LINGO2: variants seen among roughly 807,000 people sequenced by gnomAD.
The protein encoded by LINGO2 is leucine rich repeat and Ig domain containing 2.
LINGO2 carries 14 observed loss-of-function variants against 30.6 expected under a neutral mutation model. The observed-to-expected ratio is 0.46, with a 90% CI of 0.30 to 0.72. LINGO2 has a LOEUF of 0.72. LINGO2 is among the 30% of genes least tolerant of loss of function. The pLI, the probability that LINGO2 is intolerant of heterozygous loss-of-function variation, is 0.07. For missense variants in LINGO2, 729 were observed against 751.7 expected (o/e 0.97, Z 0.35); for synonymous variants, 317 against 288.5 (o/e 1.10, Z -1.00).
the LINGO2 span, among the ~76,000 whole-genome samples, chr9:28,918,198 A>C: frequency 6.6e-6 from 1 of 152,158 alleles, no homozygotes; most frequent in Non-Finnish European, 1.5e-5. Context: ...GGCACTTCTT[A>C]CATGGTGGCG....
the LINGO2 span, among the ~76,000 whole-genome samples, chr9:29,135,692 T>C: frequency 2.0e-5 from 3 of 152,272 alleles, no homozygotes; most frequent in South Asian, 4.1e-4. Flanking sequence ...TATTTTTAAA[T>C]GTACAGATCA....
the LINGO2 span, among the ~76,000 whole-genome samples, chr9:28,831,552 C>G: frequency 6.6e-6 from 1 of 152,048 alleles, no homozygotes; most frequent in Non-Finnish European, 1.5e-5. Context: ...AAATGTTCAT[C>G]AGGAGCCTAG....
chr9:29,078,960 T>C, the LINGO2 span, among the ~76,000 whole-genome samples: 63,348 of 151,686 alleles, frequency 0.42, 15,255 homozygotes, highest in Non-Finnish European at 0.54. Flanking sequence ...ATTAAATCAT[T>C]ATATCACACC....
the LINGO2 span, among the ~76,000 whole-genome samples, chr9:28,675,949 A>G: frequency 1.4e-5 from 2 of 147,948 alleles, no homozygotes; most frequent in African/African-American, 2.5e-5. Context: ...ACACACACAC[A>G]CAGATATATA....
At chr9:28,496,987 G>A (rs903220279) in intron 1 of LINGO2, among the ~76,000 whole-genome samples, 15 of 152,242 alleles carry the variant, frequency 9.9e-5, no homozygotes, top group African/African-American at 2.9e-4. Context: ...AATATTGGCC[G>A]CCACTCTCTT....
At chr9:28,840,204 G>A in the LINGO2 span, among the ~76,000 whole-genome samples, 1 of 151,922 alleles carries the variant, frequency 6.6e-6, no homozygotes, top group East Asian at 1.9e-4. Context: ...CTGCACCCAG[G>A]ACGGTGGGTC....
the LINGO2 span, among the ~76,000 whole-genome samples, chr9:29,154,211 C>G: frequency 6.6e-6 from 1 of 151,860 alleles, no homozygotes; most frequent in African/African-American, 2.4e-5. Context: ...TTGGAGAGGC[C>G]AAGAAAGGCG....
At chr9:28,275,913 T>C (rs55746298) in intron 4 of LINGO2, among the ~76,000 whole-genome samples, 2,660 of 152,264 alleles carry the variant, frequency 0.017, 43 homozygotes, top group African/African-American at 0.041. Context: ...ATTAGAAAAG[T>C]AGTGGTCTGT....
chr9:28,064,116 G>A (rs1203590144), intron 4 of LINGO2, among the ~76,000 whole-genome samples: 1 of 152,112 alleles, frequency 6.6e-6, no homozygotes, highest in Non-Finnish European at 1.5e-5. Flanking sequence ...GAAAGAACTG[G>A]TGATAACAGG....
Position 28,319,876 on chromosome 9 carries a change from C to T in LINGO2, c.-245-24510G>A, listed in dbSNP as rs775513996. Among the ~76,000 whole-genome samples the T allele has an allele frequency of 1.4e-4, 21 of 152,144 alleles. No individual in the cohort carries two copies. The South Asian group carries it at 2.5e-3, about 18-fold the overall frequency. On this transcript the variant is annotated intron_variant, in intron 3 of 5. Transcript: ENST00000379992. ...TATATGTAAATTACATGCAAGAAAA[C>T]TGATTGAAAACAAACAGAAAAGAAA...
chr9:27,988,536 G>A (rs1019307208), intron 5 of LINGO2, among the ~76,000 whole-genome samples: 15 of 151,880 alleles, frequency 9.9e-5, no homozygotes, highest in Admixed American at 2.0e-4. Flanking sequence ...TTTAATGATC[G>A]TCATTCTAAC....
the LINGO2 span, among the ~76,000 whole-genome samples, chr9:28,959,806 G>A: frequency 6.6e-6 from 1 of 152,124 alleles, no homozygotes; most frequent in Non-Finnish European, 1.5e-5. Context: ...TCTAGACATA[G>A]TGAAACATAA....
rs2383771 is a variant in LINGO2, at chr9:28,316,541, A to G, written c.-245-21175T>C. On this transcript the variant is annotated intron_variant, in intron 3 of 5. Transcript: ENST00000379992. ...AATTTGAAAAACTTTGAAAACTTCT[A>G]TAATACAGGTACAATTACAAAGAAG... 0.014 allele frequency among the ~76,000 whole-genome samples: 2,176 copies of G among 152,272 alleles called. 93 individuals are homozygous for G. The East Asian group carries it at 0.15, about 10-fold the overall frequency.
At chr9:27,946,439 T>A (rs1012398172), downstream of LINGO2, among the ~76,000 whole-genome samples, 2 of 152,148 alleles carry the variant, frequency 1.3e-5, no homozygotes, top group South Asian at 2.1e-4. Context: ...CATGGATGGG[T>A]ACATTTTAAT....
chr9:28,960,242 A>G, the LINGO2 span, among the ~76,000 whole-genome samples: 2 of 152,138 alleles, frequency 1.3e-5, no homozygotes, highest in African/African-American at 4.8e-5. Context: ...TAGAACACCT[A>G]TAATCACAGC....
intron 4 of LINGO2, among the ~76,000 whole-genome samples, chr9:28,256,677 C>T (rs1362075606): frequency 6.6e-6 from 1 of 151,606 alleles, no homozygotes; most frequent in Non-Finnish European, 1.5e-5. Context: ...GTACAAGCAG[C>T]AAAGAACAAG....
At chr9:28,252,891 A>C (rs1822254975) in intron 4 of LINGO2, among the ~76,000 whole-genome samples, 1 of 152,060 alleles carries the variant, frequency 6.6e-6, no homozygotes, top group South Asian at 2.1e-4. Context: ...TAGATTGGCC[A>C]TTAATTTACA....
chr9:28,200,419 C>T (rs1820186402), intron 4 of LINGO2, among the ~76,000 whole-genome samples: 1 of 151,948 alleles, frequency 6.6e-6, no homozygotes, highest in Non-Finnish European at 1.5e-5. Flanking sequence ...TCCAAGGTAG[C>T]ATCTCATCCC....
At chr9:28,081,924 G>A (rs1825784683) in intron 4 of LINGO2, among the ~76,000 whole-genome samples, 1 of 152,092 alleles carries the variant, frequency 6.6e-6, no homozygotes, top group Non-Finnish European at 1.5e-5. Context: ...AATATACAGT[G>A]AAACACACTA....
Sources: gnomAD v4.1 joint callset for allele counts (sites outside exome capture counted in the v4.1 genomes callset) on GRCh38, gnomAD v4.1.1 for gene constraint, MANE v1.5 for transcripts, NCBI Gene and HGNC (gene_info 2026-07-23, HGNC 2026-07-21) for gene names.